The following ANK1 variants were observed in gnomAD, a reference collection of about 807,000 sequenced individuals.
ANK1 encodes ankyrin-1.
Under a neutral mutation model 210.4 loss-of-function variants are expected in ANK1, and 51 were observed. The ratio of observed to expected loss-of-function variants is 0.24; its 90% CI spans 0.19 to 0.31. The LOEUF (loss-of-function observed/expected upper bound fraction) is 0.31. Among genes scored for constraint, ANK1 ranks in the 10% least tolerant of loss-of-function variants. ANK1 has a pLI of 1.00. For synonymous variants in ANK1, 967 were observed against 1,025.9 expected (o/e 0.94, Z 1.10); for missense variants, 2,051 against 2,504.4 (o/e 0.82, Z 3.86).
At chr8:41,800,570 A>G (rs1355004370), upstream of ANK1, among the ~76,000 whole-genome samples, 1 of 152,206 alleles carries the variant, frequency 6.6e-6, no homozygotes, top group Non-Finnish European at 1.5e-5. Flanking sequence ...CCCAGCTAAC[A>G]AAGAGGCTCT....
intron 1 of ANK1, among the ~76,000 whole-genome samples, chr8:41,894,904 GC>G (rs996583233): frequency 2.6e-5 from 4 of 152,068 alleles, no homozygotes; most frequent in African/African-American, 9.7e-5. Flanking sequence ...TTTGAAAAAG[GC>G]CCCTTTTCGG....
intron 1 of ANK1, among the ~76,000 whole-genome samples, chr8:41,761,223 A>ATG: frequency 6.9e-6 from 1 of 145,612 alleles, no homozygotes; most frequent in East Asian, 2.0e-4. Context: ...ACACACACAG[A>ATG]TGTGTGCACA....
intron 39 of ANK1, chr8:41,665,172 C>G: frequency 2.0e-6 from 3 of 1,534,218 alleles, no homozygotes; most frequent in Non-Finnish European, 1.7e-6. Context: ...CTCTTGGTCT[C>G]TCACTGTTTC....
chr8:41,721,224 G>A (rs766883632), intron 9 of ANK1, among the ~76,000 whole-genome samples: 5 of 152,266 alleles, frequency 3.3e-5, no homozygotes, highest in South Asian at 2.1e-4. Context: ...TTGGGCACCT[G>A]CACAGCAGGA....
chr8:41,767,793 C>T (rs1276792047), intron 1 of ANK1, among the ~76,000 whole-genome samples: 1 of 152,158 alleles, frequency 6.6e-6, no homozygotes, highest in Non-Finnish European at 1.5e-5. Flanking sequence ...GCTGCATGGC[C>T]TCCCTCCCTG....
chr8:41,657,030 C>T (rs1308545984), intron 42 of ANK1, among the ~76,000 whole-genome samples: 2 of 152,138 alleles, frequency 1.3e-5, no homozygotes, highest in Admixed American at 6.5e-5. Context: ...TCTCTGCCTT[C>T]GGTCACGCTT....
At chr8:41,746,150 G>A (rs895336282) in intron 2 of ANK1, among the ~76,000 whole-genome samples, 1 of 152,190 alleles carries the variant, frequency 6.6e-6, no homozygotes, top group African/African-American at 2.4e-5. Context: ...CTTCTGGAGG[G>A]CAGGCCTCTC....
At chr8:41,673,536 T>C (rs1813169975) in intron 37 of ANK1, among the ~76,000 whole-genome samples, 1 of 152,134 alleles carries the variant, frequency 6.6e-6, no homozygotes, top group African/African-American at 2.4e-5. Context: ...AAGTTGCCTA[T>C]TGGTTCCAGA....
chr8:41,777,426 T>A (rs1190350548), intron 1 of ANK1, among the ~76,000 whole-genome samples: 1 of 151,884 alleles, frequency 6.6e-6, no homozygotes, highest in African/African-American at 2.4e-5. Flanking sequence ...AATACAAAAA[T>A]TAGCCAGGCG....
At chr8:41,769,054 CAG>C (rs150109914) in intron 1 of ANK1, among the ~76,000 whole-genome samples, 15,683 of 152,226 alleles carry the variant, frequency 0.1, 893 homozygotes, top group South Asian at 0.14. Context: ...ATGCAGCAAT[CAG>C]GGGGCATCCC....
At chr8:41,711,401 G>A (rs547628977) in intron 16 of ANK1, among the ~76,000 whole-genome samples, 2 of 152,186 alleles carry the variant, frequency 1.3e-5, no homozygotes, top group African/African-American at 2.4e-5. Flanking sequence ...ACTCCCTTTC[G>A]GAGTTTAGGC....
chr8:41,716,859 C>T, intron 13 of ANK1, 94 bp downstream of exon 13: 1 of 1,266,932 alleles, frequency 7.9e-7, no homozygotes, highest in Non-Finnish European at 1.2e-6. Context: ...CAGGCCACAG[C>T]ACTGCAGCCC....
chr8:41,691,618 T>C (rs981617414), intron 31 of ANK1, among the ~76,000 whole-genome samples: 13 of 152,184 alleles, frequency 8.5e-5, no homozygotes, highest in African/African-American at 2.2e-4. Context: ...ACATTATCTG[T>C]CGAGCCCTTT....
Position 41,696,579 on chromosome 8 carries a change from A to G in ANK1, c.2744T>C (p.Val915Ala), listed in dbSNP as rs1821011286. The change falls in exon 26 of 43, where the codon GTG becomes GCG. Residue 915 changes from valine to alanine, a missense_variant. Val to Ala is a moderately conservative substitution (Grantham distance 64, BLOSUM62 0). Transcript: ENST00000289734. ...VASPVHTGFLVSFMVDARGGS... is the reference protein window; with the variant it reads ...VASPVHTGFLASFMVDARGGS... ...ACCCCGGGCGTCAACCATGAAGCTC[A>G]CCAGAAACCTAGGAGTGGGGCAGAT... 4 of 1,613,918 alleles carry G rather than the reference A, an allele frequency of 2.5e-6. No individual in the cohort carries two copies. In the East Asian group the frequency reaches 8.9e-5, roughly 36 times the overall value.
chr8:41,787,323 T>A (rs1466094669), intron 1 of ANK1, among the ~76,000 whole-genome samples: 1 of 152,218 alleles, frequency 6.6e-6, no homozygotes, highest in African/African-American at 2.4e-5. Flanking sequence ...CATTTGGTAA[T>A]GAAAAGCCTC....
chr8:41,750,351 G>A (rs1384681274), intron 2 of ANK1, among the ~76,000 whole-genome samples: 2 of 152,152 alleles, frequency 1.3e-5, no homozygotes, highest in Non-Finnish European at 2.9e-5. Context: ...TCAGATGGTC[G>A]AGCTTCTGGA....
chr8:41,767,216 T>C (rs944723734), intron 1 of ANK1, among the ~76,000 whole-genome samples: 6 of 151,910 alleles, frequency 3.9e-5, no homozygotes, highest in East Asian at 1.9e-4. Flanking sequence ...CCGGGGAAAG[T>C]TGGCGCCGGG....
intron 1 of ANK1, among the ~76,000 whole-genome samples, chr8:41,882,728 T>C (rs1817794914): frequency 6.6e-6 from 1 of 152,250 alleles, no homozygotes. Flanking sequence ...ACATCGCCAG[T>C]GCTCTGGGCT....
intron 1 of ANK1, among the ~76,000 whole-genome samples, chr8:41,766,297 C>T (rs1470877891): frequency 6.6e-6 from 1 of 152,168 alleles, no homozygotes; most frequent in African/African-American, 2.4e-5. Flanking sequence ...CCCCAGCCAG[C>T]ATAGCCTGGT....
Sources: allele counts gnomAD v4.1 joint callset (sites outside exome capture counted in the v4.1 genomes callset), GRCh38; gene constraint gnomAD v4.1.1; transcripts MANE v1.5; gene names NCBI Gene and HGNC (gene_info 2026-07-23, HGNC 2026-07-21).